SPIDR: variants seen among roughly 807,000 people sequenced by gnomAD.
SPIDR encodes the protein scaffold protein involved in DNA repair, also known as DNA repair-scaffolding protein.
In SPIDR, 93 loss-of-function variants were observed where a neutral mutation model predicts 104.6. The observed-to-expected ratio is 0.89, with a 90% CI of 0.75 to 1.06. The LOEUF (loss-of-function observed/expected upper bound fraction) is 1.06. Ranked by LOEUF, SPIDR falls within the 50% of genes least tolerant of loss-of-function variation. The pLI, the probability that SPIDR is intolerant of heterozygous loss-of-function variation, is 0.00. For missense variants in SPIDR, 1,154 were observed against 1,111.2 expected (o/e 1.04, Z -0.55); for synonymous variants, 431 against 416.9 (o/e 1.03, Z -0.41).
At chr8:47,361,082 T>A in intron 5 of SPIDR, 2 of 719,980 alleles carry the variant, frequency 2.8e-6, no homozygotes, top group African/African-American at 1.9e-5. Flanking sequence ...CACAGTTACT[T>A]AAAAGAAGGT....
intron 5 of SPIDR, among the ~76,000 whole-genome samples, chr8:47,340,550 C>T (rs569839153): frequency 2.0e-5 from 3 of 152,194 alleles, no homozygotes; most frequent in African/African-American, 7.2e-5. Flanking sequence ...TGCAGTGAGC[C>T]GACATTGCGC....
At chr8:47,730,401 GC>G (rs895771522) in intron 19 of SPIDR, among the ~76,000 whole-genome samples, 5 of 152,232 alleles carry the variant, frequency 3.3e-5, no homozygotes, top group African/African-American at 1.2e-4. Context: ...CCACTCAGTG[GC>G]CCCTGGGCAC....
chr8:47,270,831 G>A (rs374720058), intron 1 of SPIDR, among the ~76,000 whole-genome samples: 45 of 151,864 alleles, frequency 3.0e-4, no homozygotes, highest in African/African-American at 1.1e-3. Context: ...TGGCTGTTTA[G>A]GAGTGTGTTT....
chr8:47,622,466 T>C (rs2065305876), intron 10 of SPIDR, among the ~76,000 whole-genome samples: 1 of 152,112 alleles, frequency 6.6e-6, no homozygotes, highest in African/African-American at 2.4e-5. Context: ...GTCAGGCCTA[T>C]ACTCAGGCAC....
chr8:47,563,617 A>G (rs2057363448), intron 8 of SPIDR, among the ~76,000 whole-genome samples: 1 of 152,164 alleles, frequency 6.6e-6, no homozygotes, highest in Non-Finnish European at 1.5e-5. Flanking sequence ...AAGCCTGGCT[A>G]GGTGCTAGTG....
At chr8:47,424,337 C>T (rs2066063965) in intron 7 of SPIDR, among the ~76,000 whole-genome samples, 1 of 152,104 alleles carries the variant, frequency 6.6e-6, no homozygotes, top group African/African-American at 2.4e-5. Flanking sequence ...TAGGGTCTCC[C>T]TCTGTTGCCC....
chr8:47,471,803 G>A (rs547192717), intron 8 of SPIDR, among the ~76,000 whole-genome samples: 4 of 152,122 alleles, frequency 2.6e-5, no homozygotes, highest in Admixed American at 6.5e-5. Flanking sequence ...TCATAAATTA[G>A]TTTTCTAACC....
At chr8:47,317,203 A>G (rs956086135) in intron 5 of SPIDR, among the ~76,000 whole-genome samples, 2,755 of 152,194 alleles carry the variant, frequency 0.018, 84 homozygotes, top group African/African-American at 0.064. Context: ...CCTTTCCTAG[A>G]TGGAGAAAGG....
At chr8:47,466,910 T>TAG (rs1564054185) in intron 8 of SPIDR, among the ~76,000 whole-genome samples, 7 of 125,868 alleles carry the variant, frequency 5.6e-5, no homozygotes, top group South Asian at 2.6e-4. Context: ...AATATATATA[T>TAG]ATATAGATAG....
intron 8 of SPIDR, among the ~76,000 whole-genome samples, chr8:47,508,799 G>A (rs2081882028): frequency 6.6e-6 from 1 of 152,120 alleles, no homozygotes; most frequent in South Asian, 2.1e-4. Flanking sequence ...CAGAGGTGTT[G>A]AGTCCTCCGG....
intron 10 of SPIDR, among the ~76,000 whole-genome samples, chr8:47,646,171 T>C (rs1453540919): frequency 2.0e-5 from 3 of 152,182 alleles, no homozygotes; most frequent in African/African-American, 7.2e-5. Context: ...AAGGAAAAGA[T>C]GCTCAATGTC....
At chr8:47,444,256 G>A (rs1368615324) in intron 8 of SPIDR, among the ~76,000 whole-genome samples, 1 of 152,160 alleles carries the variant, frequency 6.6e-6, no homozygotes, top group African/African-American at 2.4e-5. Context: ...TGGGGAGAGA[G>A]GAAGGTAGAA....
chr8:47,729,145 G>A, intron 18 of SPIDR, 98 bp downstream of exon 18: 1 of 1,547,390 alleles, frequency 6.5e-7, no homozygotes, highest in Non-Finnish European at 8.7e-7. Flanking sequence ...CTGTACGCCT[G>A]CAGAGGCGCT....
chr8:47,442,500 A>C (rs1434097390), intron 8 of SPIDR, among the ~76,000 whole-genome samples: 4 of 152,194 alleles, frequency 2.6e-5, no homozygotes, highest in African/African-American at 4.8e-5. Flanking sequence ...AGTGTCTGGC[A>C]GGGTTCTGAT....
At chr8:47,453,288 T>C (rs1248905114) in intron 8 of SPIDR, among the ~76,000 whole-genome samples, 3 of 152,202 alleles carry the variant, frequency 2.0e-5, no homozygotes, top group Non-Finnish European at 4.4e-5. Context: ...ATGGCCATAC[T>C]GCCCAGGGTA....
intron 10 of SPIDR, chr8:47,654,150 G>A (rs927995705): frequency 2.3e-6 from 3 of 1,289,864 alleles, no homozygotes; most frequent in Non-Finnish European, 2.0e-6. Context: ...CTCTGGCCAG[G>A]TGAGTGACAT....
rs1554668319 is a variant in SPIDR at position 47,407,866 on chromosome 8, G to C, written c.782G>C (p.Gly261Ala). 1.1e-5 allele frequency: 18 copies of C among 1,586,368 alleles called. No individual in the cohort carries two copies. Among genetic ancestry groups the C allele is most frequent in the Non-Finnish European group, 1.5e-5 (17 of 1,159,676 alleles). ...CATTATAATTCATTAAACAGAGGTG[G>C]ACTAGCAGAAAGACTAAATGGACTG... ...NSAKKKLLRG[G>A]LAERLNGLQN... is the part of the protein sequence containing the mutation. Residue 261 changes from glycine (G) to alanine (A), a missense_variant, in exon 7 of 20, where the codon GGA becomes GCA. Physicochemically the swap from Gly to Ala is moderately conservative, Grantham distance 60. Coordinates refer to ENST00000297423, the MANE Select transcript of SPIDR (RefSeq NM_001080394.4).
At chr8:47,316,908 A>G (rs1377645327) in intron 5 of SPIDR, among the ~76,000 whole-genome samples, 1 of 152,220 alleles carries the variant, frequency 6.6e-6, no homozygotes, top group Non-Finnish European at 1.5e-5. Flanking sequence ...ATGCTGAGAT[A>G]TAATGGGATG....
chr8:47,510,988 G>T, intron 8 of SPIDR: 1 of 677,004 alleles, frequency 1.5e-6, no homozygotes, highest in Non-Finnish European at 2.7e-6. Context: ...ATGGCCACTG[G>T]CTGTGAGAAA....
Sources: gnomAD v4.1 joint callset for allele counts (sites outside exome capture counted in the v4.1 genomes callset) on GRCh38, gnomAD v4.1.1 for gene constraint, MANE v1.5 for transcripts, NCBI Gene and HGNC (gene_info 2026-07-23, HGNC 2026-07-21) for gene names.